QKI: variants seen among roughly 807,000 people sequenced by gnomAD.
QKI encodes KH domain-containing RNA-binding protein QKI.
Under a neutral mutation model 39.0 loss-of-function variants are expected in QKI, and 10 were observed. That is an observed-to-expected ratio of 0.26 (90% CI 0.16 to 0.43). The LOEUF (loss-of-function observed/expected upper bound fraction) is 0.43, where lower values mean the gene tolerates loss of function less well. QKI is among the 20% of genes least tolerant of loss of function. The pLI is 1.00. For synonymous variants in QKI, 204 were observed against 155.4 expected (o/e 1.31, Z -2.33); for missense variants, 218 against 428.0 (o/e 0.51, Z 4.33).
chr6:163,441,519 C>G (rs905907620), intron 1 of QKI, among the ~76,000 whole-genome samples: 2 of 152,278 alleles, frequency 1.3e-5, no homozygotes, highest in African/African-American at 2.4e-5. Context: ...TATCTGCCCT[C>G]TCAGCTAACA....
intron 4 of QKI, among the ~76,000 whole-genome samples, chr6:163,549,210 G>T (rs531024906): frequency 3.3e-5 from 5 of 152,044 alleles, no homozygotes; most frequent in East Asian, 1.9e-4. Context: ...GAGGTTGAGG[G>T]GGGGGACATG....
chr6:163,559,521 GTCTT>G (rs1782864275), intron 4 of QKI, among the ~76,000 whole-genome samples: 1 of 152,046 alleles, frequency 6.6e-6, no homozygotes, highest in South Asian at 2.1e-4. Context: ...TAATTTCTGT[GTCTT>G]TCTAAGATCA....
chr6:163,416,059 G>GGT, intron 1 of QKI: 1 of 30,962 alleles, frequency 3.2e-5, no homozygotes. Flanking sequence ...GGGGGTGGGG[G>GGT]GGGGGGGGGT....
At chr6:163,519,390 C>A (rs139452092) in intron 3 of QKI, among the ~76,000 whole-genome samples, 1 of 151,884 alleles carries the variant, frequency 6.6e-6, no homozygotes, top group African/African-American at 2.4e-5. Context: ...CCTCAGAGAT[C>A]GTGCCAGATT....
intron 4 of QKI, among the ~76,000 whole-genome samples, chr6:163,553,708 A>G (rs1199751728): frequency 6.6e-6 from 1 of 152,178 alleles, no homozygotes; most frequent in Non-Finnish European, 1.5e-5. Context: ...AGTACTTATT[A>G]TTGAGACTTG....
intron 3 of QKI, among the ~76,000 whole-genome samples, chr6:163,509,796 A>G (rs969376328): frequency 1.3e-5 from 2 of 152,200 alleles, no homozygotes; most frequent in Non-Finnish European, 2.9e-5. Flanking sequence ...AGAGGCTACA[A>G]ATAGAAAAAC....
chr6:163,439,318 T>C (rs1387400472), intron 1 of QKI, among the ~76,000 whole-genome samples: 1 of 148,084 alleles, frequency 6.8e-6, no homozygotes, highest in Admixed American at 6.8e-5. Flanking sequence ...CGCTCTAGAA[T>C]AATCCTTCGT....
chr6:163,521,118 A>G (rs924736627), intron 3 of QKI, among the ~76,000 whole-genome samples: 1 of 152,124 alleles, frequency 6.6e-6, no homozygotes, highest in African/African-American at 2.4e-5. Flanking sequence ...TAATACACTA[A>G]GCATTTGTAC....
chr6:163,420,190 C>CTT (rs35712540), intron 1 of QKI, among the ~76,000 whole-genome samples: 1 of 98,048 alleles, frequency 1.0e-5, no homozygotes, highest in Non-Finnish European at 2.2e-5. Context: ...TTTTTCTTTC[C>CTT]TTTTTTTTTT....
In QKI at chr6:163,478,887, T is replaced by C. The variant is rs1562472391; in HGVS notation, c.393T>C (p.Asp131=). 1 of 1,603,662 alleles carries C rather than the reference T, an allele frequency of 6.2e-7. No homozygotes were observed. Among genetic ancestry groups the C allele is most frequent in the Admixed American group, 1.7e-5 (1 of 58,348 alleles). ...TCCGAGGCAAAGGCTCAATGAGGGATAAAAAAAAGGTAAGTCCTTGAAAAT... is the reference window on the plus strand; with the variant it reads ...TCCGAGGCAAAGGCTCAATGAGGGACAAAAAAAAGGTAAGTCCTTGAAAAT... ...IMVRGKGSMR[D]KKKEEQNRGK... The change falls in exon 3 of 8, where the codon GAT becomes GAC. Residue 131 remains aspartate (D), a synonymous_variant. Transcript: ENST00000361752.
At chr6:163,469,745 T>A (rs1370025353) in intron 2 of QKI, among the ~76,000 whole-genome samples, 1 of 152,188 alleles carries the variant, frequency 6.6e-6, no homozygotes, top group Non-Finnish European at 1.5e-5. Flanking sequence ...TTTAATGTAA[T>A]CTGTGACTTA....
chr6:163,476,513 GT>G (rs1452267046), intron 2 of QKI, among the ~76,000 whole-genome samples: 1 of 152,156 alleles, frequency 6.6e-6, no homozygotes, highest in Non-Finnish European at 1.5e-5. Flanking sequence ...TAAAGTGCTA[GT>G]CTTTGAGATG....
chr6:163,432,810 G>C (rs1289357295), intron 1 of QKI, among the ~76,000 whole-genome samples: 1 of 152,170 alleles, frequency 6.6e-6, no homozygotes. Flanking sequence ...TTGATGTTCT[G>C]TACAGGTTGT....
chr6:163,449,258 A>G (rs1004363865), intron 1 of QKI, among the ~76,000 whole-genome samples: 3 of 152,158 alleles, frequency 2.0e-5, no homozygotes, highest in Non-Finnish European at 2.9e-5. Context: ...CAAATTATGT[A>G]TGTGTTTATA....
At chr6:163,502,888 C>G (rs1778858016) in intron 3 of QKI, among the ~76,000 whole-genome samples, 1 of 152,052 alleles carries the variant, frequency 6.6e-6, no homozygotes, top group Non-Finnish European at 1.5e-5. Context: ...ATTGCTGGGT[C>G]AAGTGGTAGT....
intron 1 of QKI, among the ~76,000 whole-genome samples, chr6:163,446,565 A>G (rs1790169657): frequency 6.6e-6 from 1 of 152,200 alleles, no homozygotes; most frequent in African/African-American, 2.4e-5. Flanking sequence ...CAGTACAGTG[A>G]CTATTATATA....
intron 2 of QKI, among the ~76,000 whole-genome samples, chr6:163,470,667 T>C (rs1272370457): frequency 1.3e-5 from 2 of 152,036 alleles, no homozygotes; most frequent in African/African-American, 2.4e-5. Flanking sequence ...AAGTTTTCAA[T>C]GTGGAAGGAG....
intron 4 of QKI, among the ~76,000 whole-genome samples, chr6:163,546,743 G>A (rs990245032): frequency 6.6e-6 from 1 of 151,848 alleles, no homozygotes; most frequent in African/African-American, 2.4e-5. Context: ...TAAGCTTTTG[G>A]TAGCTCATTA....
At chr6:163,515,684 TAC>T (rs1779675966) in intron 3 of QKI, among the ~76,000 whole-genome samples, 1 of 152,168 alleles carries the variant, frequency 6.6e-6, no homozygotes, top group Admixed American at 6.5e-5. Context: ...AAGGGAAACT[TAC>T]ATATAATGAT....
Sources: allele counts gnomAD v4.1 joint callset (sites outside exome capture counted in the v4.1 genomes callset), GRCh38; gene constraint gnomAD v4.1.1; transcripts MANE v1.5; gene names NCBI Gene and HGNC (gene_info 2026-07-23, HGNC 2026-07-21).